The following AATF variants were observed in gnomAD, a reference collection of about 807,000 sequenced individuals.
AATF encodes the protein apoptosis antagonizing transcription factor, also known as protein AATF.
A neutral mutation model predicts 63.7 loss-of-function variants in AATF; 48 were observed. The ratio of observed to expected loss-of-function variants is 0.75; its 90% confidence interval spans 0.60 to 0.96. AATF has a LOEUF of 0.96. Among genes scored for constraint, AATF ranks in the 40% least tolerant of loss-of-function variants. The pLI, the probability that AATF is intolerant of heterozygous loss-of-function variation, is 0.00. For missense variants in AATF, 639 were observed against 685.7 expected (o/e 0.93, Z 0.76); for synonymous variants, 258 against 247.7 (o/e 1.04, Z -0.39).
rs764369611 is a variant in AATF at position 36,985,878 on chromosome 17, C to T, written c.833-739C>T. 2.8e-4 allele frequency among the ~76,000 whole-genome samples: 43 copies of T among 152,150 alleles called. No individual in the cohort carries two copies. In the Middle Eastern group the frequency reaches 0.01, roughly 36 times the overall value. The stretch of plus-strand genomic sequence containing the variant: ...AGTTTTTATTCTGAAAGTTTTTATC[C>T]GTAGACTATATACATCATCTTGACC... On this transcript the variant is annotated intron_variant, in intron 4 of 11. Transcript: ENST00000619387.
intron 10 of AATF, among the ~76,000 whole-genome samples, chr17:37,029,865 C>T (rs2071539220): frequency 6.6e-6 from 1 of 151,848 alleles, no homozygotes; most frequent in Non-Finnish European, 1.5e-5. Context: ...CCGTGCCTGG[C>T]CAGTTGTTTT....
chr17:37,009,193 G>A (rs753600963), intron 8 of AATF, among the ~76,000 whole-genome samples: 2 of 151,938 alleles, frequency 1.3e-5, no homozygotes, highest in African/African-American at 4.8e-5. Flanking sequence ...GTGCAGTGGC[G>A]CGATCTCGGC....
chr17:36,974,047 C>T (rs985563572), intron 4 of AATF, among the ~76,000 whole-genome samples: 15 of 144,818 alleles, frequency 1.0e-4, no homozygotes, highest in Middle Eastern at 3.7e-3. Flanking sequence ...CCAGCCTGGG[C>T]GACAGAGCGA....
intron 5 of AATF, among the ~76,000 whole-genome samples, chr17:36,987,273 G>A (rs1243820927): frequency 6.6e-6 from 1 of 151,254 alleles, no homozygotes; most frequent in African/African-American, 2.4e-5. Flanking sequence ...TTATAAGCAT[G>A]GGCCACTTCA....
At chr17:36,960,376 A>G (rs1440912202) in intron 4 of AATF, among the ~76,000 whole-genome samples, 1 of 152,234 alleles carries the variant, frequency 6.6e-6, no homozygotes, top group African/African-American at 2.4e-5. Flanking sequence ...ATAATGTTTT[A>G]AATTTTGCGT....
chr17:36,995,229 G>A (rs986991711), intron 8 of AATF, among the ~76,000 whole-genome samples: 40 of 152,238 alleles, frequency 2.6e-4, no homozygotes, highest in Non-Finnish European at 4.0e-4. Context: ...CCACTTTGAC[G>A]GGTTAAATTT....
chr17:36,978,184 T>C (rs1370258311), intron 4 of AATF, among the ~76,000 whole-genome samples: 1 of 152,136 alleles, frequency 6.6e-6, no homozygotes, highest in Admixed American at 6.5e-5. Flanking sequence ...TCACCCAACA[T>C]ATATTTTATC....
intron 11 of AATF, among the ~76,000 whole-genome samples, chr17:37,049,759 T>C (rs1442287725): frequency 6.6e-6 from 1 of 152,062 alleles, no homozygotes; most frequent in Non-Finnish European, 1.5e-5. Context: ...GATCCCTTTG[T>C]TTGGTGCCGT....
intron 8 of AATF, among the ~76,000 whole-genome samples, chr17:37,005,670 A>G (rs2071336011): frequency 6.6e-6 from 1 of 152,208 alleles, no homozygotes; most frequent in South Asian, 2.1e-4. Context: ...CTGAGCTGGT[A>G]TCTGAGAGGA....
At chr17:36,949,946 G>A (rs2070839810) in intron 1 of AATF, among the ~76,000 whole-genome samples, 1 of 152,212 alleles carries the variant, frequency 6.6e-6, no homozygotes, top group South Asian at 2.1e-4. Flanking sequence ...TGGAGCGACT[G>A]TCACACATTG....
chr17:37,046,260 G>A (rs2071689523), intron 11 of AATF, among the ~76,000 whole-genome samples: 1 of 152,104 alleles, frequency 6.6e-6, no homozygotes, highest in Non-Finnish European at 1.5e-5. Flanking sequence ...GGGGAGCGGG[G>A]ACTCGGGCTC....
chr17:37,005,758 G>A (rs544596269), intron 8 of AATF, among the ~76,000 whole-genome samples: 1 of 152,094 alleles, frequency 6.6e-6, no homozygotes, highest in Non-Finnish European at 1.5e-5. Context: ...TGACCAATGG[G>A]CAGAATTTTT....
Position 37,030,744 on chromosome 17 carries a change from C to T in AATF, c.1548-870C>T, listed in dbSNP as rs192450889. On this transcript the variant is annotated intron_variant, in intron 10 of 11. Coordinates refer to ENST00000619387, the MANE Select transcript of AATF (RefSeq NM_012138.4). The stretch of plus-strand genomic sequence containing the variant: ...CCCTGGATCTAGTGCATGGAGATGA[C>T]GTGGAATTGCAGACCCCTTTTCTGC... Among the ~76,000 whole-genome samples, 77 of 152,152 alleles carry T rather than the reference C, an allele frequency of 5.1e-4. No homozygotes were observed. In the Middle Eastern group the frequency reaches 0.01, roughly 20 times the overall value.
At chr17:37,019,931 C>A (rs1286199486) in intron 9 of AATF, among the ~76,000 whole-genome samples, 1 of 151,956 alleles carries the variant, frequency 6.6e-6, no homozygotes, top group Non-Finnish European at 1.5e-5. Flanking sequence ...GTACATTTAT[C>A]TGACTTTACA....
intron 11 of AATF, among the ~76,000 whole-genome samples, chr17:37,048,728 C>A (rs2071718652): frequency 6.6e-6 from 1 of 152,156 alleles, no homozygotes. Flanking sequence ...CCGTGACATA[C>A]ATAGGGCTGC....
intron 10 of AATF, among the ~76,000 whole-genome samples, chr17:37,030,028 G>GT (rs5820202): frequency 0.15 from 23,195 of 151,532 alleles, 1,844 homozygotes; most frequent in Non-Finnish European, 0.16. Flanking sequence ...GTGTGGTTTG[G>GT]TTTTTTTTCA....
chr17:36,987,107 C>A (rs1481642247), intron 5 of AATF, among the ~76,000 whole-genome samples: 1 of 151,922 alleles, frequency 6.6e-6, no homozygotes, highest in Non-Finnish European at 1.5e-5. Context: ...CCTGCTTCAG[C>A]CTCCCAAATA....
chr17:36,961,241 C>A (rs907580089), intron 4 of AATF, among the ~76,000 whole-genome samples: 1 of 152,098 alleles, frequency 6.6e-6, no homozygotes, highest in African/African-American at 2.4e-5. Context: ...TAGGTTTATT[C>A]TAGCTATTCA....
intron 4 of AATF, among the ~76,000 whole-genome samples, chr17:36,964,908 T>A (rs1016982547): frequency 1.3e-5 from 2 of 152,152 alleles, no homozygotes; most frequent in African/African-American, 4.8e-5. Context: ...ATTGCTCTTC[T>A]GGGGAGAGCT....
Sources: gnomAD v4.1 joint callset for allele counts (sites outside exome capture counted in the v4.1 genomes callset) on GRCh38, gnomAD v4.1.1 for gene constraint, MANE v1.5 for transcripts, NCBI Gene and HGNC (gene_info 2026-07-23, HGNC 2026-07-21) for gene names.